STOM: variants seen among roughly 807,000 people sequenced by gnomAD.
The protein encoded by STOM is erythrocyte band 7 integral membrane protein.
In STOM, 25 loss-of-function variants were observed where a neutral mutation model predicts 30.6. The ratio of observed to expected loss-of-function variants is 0.82; its 90% CI spans 0.60 to 1.14. The LOEUF is 1.14. Among genes scored for constraint, STOM ranks in the 50% most tolerant of loss-of-function variants. The probability of loss-of-function intolerance (pLI) is 0.00; values close to 1 mark genes in which losing one functional copy is unlikely to be tolerated. For missense variants in STOM, 292 were observed against 365.2 expected, an observed-to-expected ratio of 0.80 and a Z score of 1.63; for synonymous variants, 118 against 130.8, an observed-to-expected ratio of 0.90 and a Z score of 0.67.
In STOM at chr9:121,353,386, G is replaced by A. The variant is rs925067843; in HGVS notation, c.239-84C>T. The A allele has an allele frequency of 5.7e-6, 5 of 875,170 alleles. No homozygotes were observed. In the African/African-American group the frequency reaches 8.8e-5, roughly 15 times the overall value. The allele number at this position is 875,170 out of a possible 1,614,324, so 54.2% of individuals were successfully genotyped here. ...ATTCAGTTTTAAGAAAATCAACCTA[G>A]TGAACTGAAAAGTCACCAGTTCATC... On this transcript the variant is annotated intron_variant, in intron 3 of 6. Coordinates refer to ENST00000286713, the MANE Select transcript of STOM (RefSeq NM_004099.6).
chr9:121,356,011 A>G (rs1188019715), intron 2 of STOM, 42 bp downstream of exon 2: 3 of 1,522,966 alleles, frequency 2.0e-6, no homozygotes, highest in Non-Finnish European at 2.7e-6. Context: ...TTATGGAGGT[A>G]GGAGTTGACC....
At chr9:121,361,618 G>C (rs975431639) in intron 1 of STOM, among the ~76,000 whole-genome samples, 1 of 152,058 alleles carries the variant, frequency 6.6e-6, no homozygotes, top group Non-Finnish European at 1.5e-5. Context: ...TTGATCTCCT[G>C]ACCTCGTGAT....
intron 1 of STOM, among the ~76,000 whole-genome samples, chr9:121,361,094 A>G (rs534538686): frequency 6.6e-6 from 1 of 152,308 alleles, no homozygotes; most frequent in South Asian, 2.1e-4. Flanking sequence ...CTGAAATCTG[A>G]TGTTTTTACA....
chr9:121,364,280 C>T lies in STOM; in HGVS notation c.61+5847G>A, dbSNP rs1202589800. On this transcript the variant is annotated intron_variant, in intron 1 of 6. Coordinates refer to ENST00000286713, the MANE Select transcript of STOM (RefSeq NM_004099.6). ...CAGAAGATTTCAAAGCAAACAAGCA[C>T]ACACACATTATAGCCTGCCTTTCAA... Among the ~76,000 whole-genome samples the T allele has an allele frequency of 2.0e-5, 3 of 152,330 alleles. No homozygotes were observed. The East Asian group carries it at 5.8e-4, about 29-fold the overall frequency.
intron 4 of STOM, among the ~76,000 whole-genome samples, chr9:121,352,962 G>A (rs1293580851): frequency 3.3e-5 from 5 of 152,044 alleles, no homozygotes; most frequent in African/African-American, 1.2e-4. Context: ...GCGTGGTGGC[G>A]CACATCTATA....
chr9:121,360,510 T>C (rs2064441116), intron 1 of STOM, among the ~76,000 whole-genome samples: 4 of 152,204 alleles, frequency 2.6e-5, no homozygotes, highest in Admixed American at 2.0e-4. Flanking sequence ...TAAAGATTAT[T>C]AGGCTGGCCT....
intron 4 of STOM, among the ~76,000 whole-genome samples, chr9:121,351,500 C>A (rs1415327570): frequency 1.3e-5 from 2 of 152,224 alleles, no homozygotes; most frequent in East Asian, 3.8e-4. Context: ...GAGTATCTGG[C>A]CTTTGGCCAG....
At chr9:121,369,849 CA>C in intron 1 of STOM, 3 of 442,752 alleles carry the variant, frequency 6.8e-6, no homozygotes, top group South Asian at 4.4e-5. Context: ...CGAGATAGTG[CA>C]GCCCTGGCAT....
intron 6 of STOM, among the ~76,000 whole-genome samples, chr9:121,346,875 C>G (rs113924396): frequency 1.1e-4 from 16 of 152,298 alleles, no homozygotes; most frequent in African/African-American, 3.1e-4. Flanking sequence ...AAAAGAACAG[C>G]GTTCTGTGGT....
At chr9:121,365,755 T>C (rs2064496976) in intron 1 of STOM, among the ~76,000 whole-genome samples, 1 of 152,202 alleles carries the variant, frequency 6.6e-6, no homozygotes. Context: ...CACTCAGTTG[T>C]TGTGGAGATA....
At chr9:121,350,922 T>C (rs902082330) in intron 4 of STOM, among the ~76,000 whole-genome samples, 5 of 152,240 alleles carry the variant, frequency 3.3e-5, no homozygotes, top group Admixed American at 1.3e-4. Context: ...ATTACCATCT[T>C]GTATGAAAAC....
chr9:121,339,319 T>C lies in STOM; in HGVS notation c.*1883A>G, dbSNP rs2064226244. 4.4e-6 allele frequency: 1 copy of C among 227,850 alleles called. No individual in the cohort carries two copies. The highest frequency in any genetic ancestry group is 1.8e-4 in the South Asian group (1 of 5,586). The allele number at this position is 227,850 out of a possible 1,614,324, so 14.1% of individuals were successfully genotyped here. On this transcript the variant is annotated 3_prime_UTR_variant, in exon 7 of 7. Transcript: ENST00000286713. ...TCTAAGTCTCAGAAAAGGTTTTCAG[T>C]CAGGATATGGAGGCTCCTGGTCCTC...
Position 121,341,914 on chromosome 9 carries a change from A to G in STOM, c.661-506T>C, listed in dbSNP as rs989068384. Among the ~76,000 whole-genome samples, 5 of 152,224 alleles carry G rather than the reference A, an allele frequency of 3.3e-5. No individual in the cohort carries two copies. In the South Asian group the frequency reaches 1.0e-3, roughly 31 times the overall value. ...ACAGAACTTCCATTTCCATCTACTTATTTATGTAAATAAGGTTTCAAAGTC... is the reference window on the plus strand; with the variant it reads ...ACAGAACTTCCATTTCCATCTACTTGTTTATGTAAATAAGGTTTCAAAGTC... On this transcript the variant is annotated intron_variant, in intron 6 of 6. Transcript: ENST00000286713.
Position 121,340,518 on chromosome 9 carries a change from C to A in STOM, c.*684G>T, listed in dbSNP as rs758086442. On this transcript the variant is annotated 3_prime_UTR_variant, in exon 7 of 7. Coordinates refer to ENST00000286713, the MANE Select transcript of STOM (RefSeq NM_004099.6). ...TTGGGAGGCAGAGGTGGGTGGATCA[C>A]CTGAGGTTAGGAGTTCGTGACTAGC... is the stretch of plus-strand genomic sequence containing the variant. The A allele has an allele frequency of 1.4e-4, 128 of 917,264 alleles. No homozygotes were observed. Among genetic ancestry groups the A allele is most frequent in the Non-Finnish European group, 3.1e-5 (24 of 768,104 alleles). The allele number at this position is 917,264 out of a possible 1,614,324, so 56.8% of individuals were successfully genotyped here. A position where few individuals can be genotyped will look rare whatever the true frequency, so the allele number is the denominator to read the frequency against.
At chr9:121,364,603 A>G (rs933116643) in intron 1 of STOM, among the ~76,000 whole-genome samples, 2 of 152,222 alleles carry the variant, frequency 1.3e-5, no homozygotes, top group Non-Finnish European at 2.9e-5. Flanking sequence ...AAGATTTGCA[A>G]TAACAGTTAT....
intron 1 of STOM, 141 bp from the exon 2 acceptor site, chr9:121,356,297 T>C (rs1467292425): frequency 1.6e-6 from 1 of 643,972 alleles, no homozygotes; most frequent in African/African-American, 1.8e-5. Context: ...CTAATCCTCA[T>C]ACAGCCCTGA....
At chr9:121,356,017 T>G (rs2134035432) in intron 2 of STOM, 36 bp downstream of exon 2, 2 of 1,573,638 alleles carry the variant, frequency 1.3e-6, no homozygotes, top group East Asian at 4.5e-5. Flanking sequence ...AGGTAGGAGT[T>G]GACCCCTTCC....
In STOM at chr9:121,340,758, A is replaced by G; in HGVS notation, c.*444T>C. On this transcript the variant is annotated 3_prime_UTR_variant, in exon 7 of 7. Transcript: ENST00000286713. Reference sequence around the variant, plus strand: ...AGAGTGAAACTCCATCTCAGAAAAAAAAAAAAAAAGACTCTCTGGAGGTAA... The same window carrying G: ...AGAGTGAAACTCCATCTCAGAAAAAGAAAAAAAAAGACTCTCTGGAGGTAA... 1 of 997,574 alleles carries G rather than the reference A, an allele frequency of 1.0e-6. No homozygotes were observed. Among genetic ancestry groups the G allele is most frequent in the Non-Finnish European group, 1.2e-6 (1 of 836,714 alleles). The allele number at this position is 997,574 out of a possible 1,614,324, so 61.8% of individuals were successfully genotyped here.
In STOM at chr9:121,340,983, CTT is replaced by C; in HGVS notation, c.*217_*218del. 1 of 1,394,250 alleles carries C rather than the reference CTT, an allele frequency of 7.2e-7. No individual in the cohort carries two copies. Among genetic ancestry groups the C allele is most frequent in the South Asian group, 1.6e-5 (1 of 63,678 alleles). The allele number at this position is 1,394,250 out of a possible 1,614,324, so 86.4% of individuals were successfully genotyped here. A position where few individuals can be genotyped will look rare whatever the true frequency, so the allele number is the denominator to read the frequency against. On this transcript the variant is annotated 3_prime_UTR_variant, in exon 7 of 7. Coordinates refer to ENST00000286713, the MANE Select transcript of STOM (RefSeq NM_004099.6). Reference sequence around the variant, plus strand: ...CTACATAATAATCTAAAAATACAAACTTTTAACTATTTTAAGACTAACAGATT... The same window carrying C: ...CTACATAATAATCTAAAAATACAAACTTAACTATTTTAAGACTAACAGATT...
Sources: allele counts gnomAD v4.1 joint callset (sites outside exome capture counted in the v4.1 genomes callset), GRCh38; gene constraint gnomAD v4.1.1; transcripts MANE v1.5; gene names NCBI Gene and HGNC (gene_info 2026-07-23, HGNC 2026-07-21).